ZFPM1: variants seen among roughly 807,000 people sequenced by gnomAD.
The protein encoded by ZFPM1 is zinc finger protein ZFPM1.
In ZFPM1, 28 loss-of-function variants were observed where a neutral mutation model predicts 46.3. The observed-to-expected ratio is 0.60, with a 90% CI of 0.45 to 0.83. The LOEUF is 0.83. Among genes scored for constraint, ZFPM1 ranks in the 40% least tolerant of loss-of-function variants. ZFPM1 has a pLI of 0.00. For synonymous variants in ZFPM1, 957 were observed against 675.9 expected (o/e 1.42, Z -6.45); for missense variants, 1,878 against 1,432.4 (o/e 1.31, Z -5.02).
chr16:88,477,486 G>T (rs1373972391), intron 1 of ZFPM1, among the ~76,000 whole-genome samples: 1 of 152,212 alleles, frequency 6.6e-6, no homozygotes, highest in Non-Finnish European at 1.5e-5. Context: ...AACATGGCTG[G>T]GTGCAGTGGC....
At chr16:88,490,056 ATT>A (rs573735372) in intron 3 of ZFPM1, among the ~76,000 whole-genome samples, 28 of 143,402 alleles carry the variant, frequency 2.0e-4, no homozygotes, top group Non-Finnish European at 3.5e-4. Flanking sequence ...AGTATTTATT[ATT>A]TTTTTTTTTT....
chr16:88,463,807 T>C (rs887767492), intron 1 of ZFPM1, among the ~76,000 whole-genome samples: 2 of 152,342 alleles, frequency 1.3e-5, no homozygotes, highest in East Asian at 3.9e-4. Context: ...TTCCTGTGTC[T>C]CTAGGCAGAT....
At chr16:88,457,107 G>A (rs1259794797) in intron 1 of ZFPM1, among the ~76,000 whole-genome samples, 1 of 152,220 alleles carries the variant, frequency 6.6e-6, no homozygotes, top group African/African-American at 2.4e-5. Flanking sequence ...GCAGCCCAAC[G>A]CCCACCCGTG....
intron 4 of ZFPM1, among the ~76,000 whole-genome samples, chr16:88,519,188 G>A (rs1056124926): frequency 7.1e-6 from 1 of 140,236 alleles, no homozygotes; most frequent in African/African-American, 2.6e-5. Context: ...TGGGTGGGTG[G>A]ATGGGAGGGT....
intron 3 of ZFPM1, among the ~76,000 whole-genome samples, chr16:88,508,854 A>G (rs1008984333): frequency 6.6e-6 from 1 of 151,816 alleles, no homozygotes; most frequent in Non-Finnish European, 1.5e-5. Flanking sequence ...TGGGCAGGTC[A>G]CCTCACCCCC....
intron 2 of ZFPM1, among the ~76,000 whole-genome samples, chr16:88,486,862 G>A (rs1028512529): frequency 6.6e-6 from 1 of 152,078 alleles, no homozygotes; most frequent in African/African-American, 2.4e-5. Flanking sequence ...AGTGGGTGCT[G>A]GGTGCACAGT....
At chr16:88,511,958 G>A (rs1485898431) in intron 3 of ZFPM1, among the ~76,000 whole-genome samples, 5 of 152,118 alleles carry the variant, frequency 3.3e-5, no homozygotes, top group Non-Finnish European at 7.4e-5. Flanking sequence ...TCCGATCCCT[G>A]GACTCCTTGG....
At chr16:88,485,811 T>C in intron 1 of ZFPM1, 128 bp from the exon 2 acceptor site, 1 of 755,060 alleles carries the variant, frequency 1.3e-6, no homozygotes, top group South Asian at 1.7e-5. Flanking sequence ...GGGTGAGGGA[T>C]GACCCTCACC....
At chr16:88,523,131 C>T (rs539941718) in intron 4 of ZFPM1, among the ~76,000 whole-genome samples, 24 of 150,758 alleles carry the variant, frequency 1.6e-4, no homozygotes, top group African/African-American at 4.4e-4. Context: ...GCTTGAACCC[C>T]GGAGGTGGAG....
chr16:88,506,431 G>T (rs1910663962), intron 3 of ZFPM1, among the ~76,000 whole-genome samples: 2 of 144,034 alleles, frequency 1.4e-5, no homozygotes. Context: ...ATAGACTCAG[G>T]TCTTGTGCTG....
At chr16:88,491,748 C>G (rs1257500561) in intron 3 of ZFPM1, among the ~76,000 whole-genome samples, 2 of 152,218 alleles carry the variant, frequency 1.3e-5, no homozygotes, top group Non-Finnish European at 1.5e-5. Context: ...GGTGCCCTAT[C>G]GGCTCCCGCA....
upstream of ZFPM1, among the ~76,000 whole-genome samples, chr16:88,452,504 G>T (rs1355359984): frequency 6.6e-6 from 1 of 152,230 alleles, no homozygotes; most frequent in Non-Finnish European, 1.5e-5. Context: ...TTCCAGCCTG[G>T]TCTGAGCTCA....
chr16:88,471,187 C>T lies in ZFPM1; in HGVS notation c.41-14752C>T, dbSNP rs985341299. On this transcript the variant is annotated intron_variant, in intron 1 of 9. Transcript: ENST00000319555. The surrounding 1 kb of genome is among the most constrained non-coding windows in gnomAD (Gnocchi z 4.1). ...TCCTCTCCACTTACTCCGCCCTGAC[C>T]GCGATGGGCACTGAGAATTCAGACA... Among the ~76,000 whole-genome samples the T allele has an allele frequency of 2.0e-5, 3 of 151,154 alleles. No individual in the cohort carries two copies. The highest frequency in any genetic ancestry group is 7.4e-5 in the African/African-American group (3 of 40,420).
intron 1 of ZFPM1, among the ~76,000 whole-genome samples, chr16:88,474,865 G>A (rs1279672738): frequency 6.6e-6 from 1 of 152,228 alleles, no homozygotes; most frequent in Non-Finnish European, 1.5e-5. Flanking sequence ...CCCAGCCTCT[G>A]TTCACAGCAG....
At chr16:88,501,335 GGGGCCC>G (rs1910290485) in intron 3 of ZFPM1, among the ~76,000 whole-genome samples, 4 of 48,890 alleles carry the variant, frequency 8.2e-5, no homozygotes, top group Non-Finnish European at 1.1e-4. Flanking sequence ...ACATGGGTGC[GGGGCCC>G]TCCCGCAGGT....
At chr16:88,529,562 C>T (rs1229248170) in intron 6 of ZFPM1, among the ~76,000 whole-genome samples, 1 of 152,194 alleles carries the variant, frequency 6.6e-6, no homozygotes, top group African/African-American at 2.4e-5. Context: ...ACAGAGTCCA[C>T]TGAGGGACAA....
Position 88,535,029 on chromosome 16 carries a change from G to A in ZFPM1, c.*50G>A. On this transcript the variant is annotated 3_prime_UTR_variant, in exon 10 of 10. Transcript: ENST00000319555. ...CTTTGCACGCCCCGCTGCGATGCGG[G>A]GAGGGGGCCGCCCCCAGGCCGCACG... is the stretch of plus-strand genomic sequence containing the variant. 3 of 1,355,094 alleles carry A rather than the reference G, an allele frequency of 2.2e-6. No homozygotes were observed. The highest frequency in any genetic ancestry group is 2.9e-6 in the Non-Finnish European group (3 of 1,045,732). 83.9% of individuals were successfully genotyped at this position (1,355,094 alleles called of 1,614,324 possible).
chr16:88,485,912 C>T (rs376473581), intron 1 of ZFPM1, 27 bp from the exon 2 acceptor site: 185 of 1,608,924 alleles, frequency 1.1e-4, no homozygotes, highest in Non-Finnish European at 1.4e-4. Context: ...GAGCTCCTCC[C>T]GAACCCCCAT....
chr16:88,535,075 C>G lies in ZFPM1; in HGVS notation c.*96C>G. 1 of 1,322,658 alleles carries G rather than the reference C, an allele frequency of 7.6e-7. No individual in the cohort carries two copies. The highest frequency in any genetic ancestry group is 9.7e-7 in the Non-Finnish European group (1 of 1,028,220). The allele number at this position is 1,322,658 out of a possible 1,614,324, so 81.9% of individuals were successfully genotyped here. A position where few individuals can be genotyped will look rare whatever the true frequency, so the allele number is the denominator to read the frequency against. Reference sequence around the variant, plus strand: ...GCACGGACTGCCGCTCCTGGGAACCCCGCCACGCACAGGCCTCGGCGGAGG... The same window carrying G: ...GCACGGACTGCCGCTCCTGGGAACCGCGCCACGCACAGGCCTCGGCGGAGG... On this transcript the variant is annotated 3_prime_UTR_variant, in exon 10 of 10. Transcript: ENST00000319555.
Sources: allele counts gnomAD v4.1 joint callset (sites outside exome capture counted in the v4.1 genomes callset), GRCh38; gene constraint gnomAD v4.1.1; non-coding constraint Gnocchi (gnomAD v3.1); transcripts MANE v1.5; gene names NCBI Gene and HGNC (gene_info 2026-07-23, HGNC 2026-07-21).